RAD18: variants seen among roughly 807,000 people sequenced by gnomAD.
The protein encoded by RAD18 is E3 ubiquitin-protein ligase RAD18.
Under a neutral mutation model 60.4 loss-of-function variants are expected in RAD18, and 47 were observed. That is an observed-to-expected ratio of 0.78 (90% CI 0.62 to 0.99). RAD18 has a LOEUF of 0.99. RAD18 is among the 50% of genes least tolerant of loss of function. The pLI is 0.00. For synonymous variants in RAD18, 225 were observed against 195.5 expected (o/e 1.15, Z -1.26); for missense variants, 640 against 593.3 (o/e 1.08, Z -0.82).
chr3:8,924,935 C>T (rs1364968057), intron 7 of RAD18, among the ~76,000 whole-genome samples: 1 of 152,046 alleles, frequency 6.6e-6, no homozygotes, highest in Non-Finnish European at 1.5e-5. Context: ...ATTTATAGCA[C>T]TAAATGCCCA....
chr3:8,942,270 ATC>A (rs1348749723), intron 4 of RAD18, among the ~76,000 whole-genome samples: 2 of 152,006 alleles, frequency 1.3e-5, no homozygotes, highest in Non-Finnish European at 2.9e-5. Context: ...TTCTCATGAG[ATC>A]TGTTTTAAAA....
intron 7 of RAD18, among the ~76,000 whole-genome samples, chr3:8,920,735 C>T (rs1940303623): frequency 6.6e-6 from 1 of 152,028 alleles, no homozygotes; most frequent in Non-Finnish European, 1.5e-5. Flanking sequence ...ACTTGAAAAA[C>T]ACACACACAC....
At chr3:8,888,967 T>C (rs903159537) in intron 12 of RAD18, among the ~76,000 whole-genome samples, 3 of 152,184 alleles carry the variant, frequency 2.0e-5, no homozygotes, top group African/African-American at 4.8e-5. Context: ...AAGAGGAAAG[T>C]AGTTAGCTAA....
chr3:8,881,553 T>G, intron 12 of RAD18, 94 bp from the exon 13 acceptor site: 1 of 953,918 alleles, frequency 1.0e-6, no homozygotes, highest in Non-Finnish European at 1.6e-6. Context: ...ATTATTTCAT[T>G]AAAACCTCGA....
intron 9 of RAD18, among the ~76,000 whole-genome samples, chr3:8,903,290 C>T (rs926134278): frequency 3.3e-5 from 5 of 152,176 alleles, no homozygotes; most frequent in Non-Finnish European, 5.9e-5. Flanking sequence ...GAAAGATGCC[C>T]GCTTTCTTAA....
At chr3:8,886,271 G>A (rs1343054630) in intron 12 of RAD18, among the ~76,000 whole-genome samples, 3 of 152,168 alleles carry the variant, frequency 2.0e-5, no homozygotes, top group African/African-American at 7.2e-5. Context: ...TAACATTAAT[G>A]TTGGCCAGTT....
rs138716451 is a variant in RAD18, at chr3:8,911,234, A to C, written c.1027+1078T>G. ...TAGATATCTAAATGGTGGGCAATGA[A>C]TATTTACTTGACTGAATATAGTCCA... On this transcript the variant is annotated intron_variant, in intron 9 of 12. Transcript: ENST00000264926. Among the ~76,000 whole-genome samples, 972 of 152,296 alleles carry C rather than the reference A, an allele frequency of 6.4e-3. 6 individuals carry two copies. The highest frequency in any genetic ancestry group is 0.022 in the African/African-American group (924 of 41,562).
intron 2 of RAD18, among the ~76,000 whole-genome samples, chr3:8,950,757 AG>A (rs1330025319): frequency 6.6e-6 from 1 of 152,242 alleles, no homozygotes; most frequent in East Asian, 1.9e-4. Flanking sequence ...TTATATGCTA[AG>A]GGCTCTAATG....
intron 11 of RAD18, among the ~76,000 whole-genome samples, chr3:8,897,637 C>G (rs1166563488): frequency 6.6e-6 from 1 of 152,146 alleles, no homozygotes. Flanking sequence ...TATCAGTTAC[C>G]AGAATCAAAT....
intron 7 of RAD18, among the ~76,000 whole-genome samples, chr3:8,935,485 A>C (rs1035234799): frequency 6.6e-6 from 1 of 152,184 alleles, no homozygotes; most frequent in Non-Finnish European, 1.5e-5. Context: ...GGTAGTTATT[A>C]TAACCCTTAT....
intron 7 of RAD18, among the ~76,000 whole-genome samples, chr3:8,919,922 G>A (rs559773453): frequency 3.9e-5 from 6 of 152,312 alleles, no homozygotes; most frequent in Admixed American, 1.3e-4. Context: ...ATACAAACAC[G>A]AAAATAATTA....
intron 8 of RAD18, 193 bp from the exon 9 acceptor site, chr3:8,912,565 C>T (rs1559770864): frequency 2.8e-6 from 1 of 356,498 alleles, no homozygotes; most frequent in East Asian, 4.3e-5. Flanking sequence ...ACATTTTACT[C>T]ATTATTTTTT....
intron 4 of RAD18, among the ~76,000 whole-genome samples, chr3:8,943,886 A>G (rs926282325): frequency 1.3e-5 from 2 of 152,170 alleles, no homozygotes; most frequent in African/African-American, 4.8e-5. Context: ...AGTAAAAACC[A>G]CCACTCTAAG....
intron 1 of RAD18, 83 bp downstream of exon 1, chr3:8,963,252 C>T (rs1403503342): frequency 1.4e-6 from 2 of 1,440,330 alleles, no homozygotes; most frequent in East Asian, 5.1e-5. Context: ...ATCCTTTCTC[C>T]TTAAGGCGAG....
At chr3:8,899,776 T>C (rs1179215292) in intron 10 of RAD18, among the ~76,000 whole-genome samples, 2 of 152,212 alleles carry the variant, frequency 1.3e-5, no homozygotes, top group African/African-American at 2.4e-5. Flanking sequence ...ATTCTCCCAC[T>C]CATCATGAAC....
At chr3:8,882,552 C>T (rs982690149) in intron 12 of RAD18, among the ~76,000 whole-genome samples, 6 of 152,116 alleles carry the variant, frequency 3.9e-5, no homozygotes, top group Non-Finnish European at 5.9e-5. Flanking sequence ...CAGTGAACCC[C>T]GGCTGTTTCC....
intron 5 of RAD18, among the ~76,000 whole-genome samples, chr3:8,940,771 G>T (rs1940733787): frequency 1.3e-5 from 2 of 152,246 alleles, no homozygotes; most frequent in Admixed American, 1.3e-4. Flanking sequence ...TCTGGATAGA[G>T]TCTGGAAAGG....
At chr3:8,902,990 C>T (rs1939940422) in intron 9 of RAD18, among the ~76,000 whole-genome samples, 1 of 151,458 alleles carries the variant, frequency 6.6e-6, no homozygotes, top group East Asian at 1.9e-4. Context: ...TGCACCACTG[C>T]ACTCCAGCCT....
intron 11 of RAD18, among the ~76,000 whole-genome samples, chr3:8,892,853 T>G (rs909994042): frequency 1.3e-5 from 2 of 152,230 alleles, no homozygotes; most frequent in African/African-American, 2.4e-5. Flanking sequence ...CAAAGTTAAG[T>G]TGAGGTCCCA....
Sources: allele counts gnomAD v4.1 joint callset (sites outside exome capture counted in the v4.1 genomes callset), GRCh38; gene constraint gnomAD v4.1.1; transcripts MANE v1.5; gene names NCBI Gene and HGNC (gene_info 2026-07-23, HGNC 2026-07-21).